The following ZNF695 variants were observed in gnomAD, a reference collection of about 807,000 sequenced individuals.
ZNF695 encodes zinc finger protein 695.
A neutral mutation model predicts 11.2 loss-of-function variants in ZNF695; 11 were observed. The observed-to-expected ratio is 0.98, with a 90% CI of 0.62 to 1.62. The LOEUF is 1.62. ZNF695 is among the 40% of genes most tolerant of loss of function. The probability of loss-of-function intolerance (pLI) is 0.00; values close to 1 mark genes in which losing one functional copy is unlikely to be tolerated. For missense variants in ZNF695, 559 were observed against 590.5 expected (o/e 0.95, Z 0.55); for synonymous variants, 190 against 201.4 (o/e 0.94, Z 0.48).
Position 246,986,036 on chromosome 1 carries a change from C to T in ZNF695, c.*931G>A. The T allele has an allele frequency of 1.0e-6, 1 of 983,868 alleles. No individual in the cohort carries two copies. Among genetic ancestry groups the T allele is most frequent in the African/African-American group, 1.7e-5 (1 of 57,330 alleles). The allele number at this position is 983,868 out of a possible 1,614,324, so 60.9% of individuals were successfully genotyped here. ...TATGTGATTTTCAAAAAAGCTAAAA[C>T]TCTTTCAGTGCACCGAGTATACTTT... On this transcript the variant is annotated 3_prime_UTR_variant, in exon 4 of 4. Transcript: ENST00000339986.
intron 1 of ZNF695, among the ~76,000 whole-genome samples, chr1:247,004,138 A>C (rs1035758990): frequency 6.6e-6 from 1 of 152,080 alleles, no homozygotes; most frequent in Non-Finnish European, 1.5e-5. Flanking sequence ...TTGAACCCAG[A>C]GGGCGGAGGT....
chr1:246,983,181 G>A (rs965892971), downstream of ZNF695, among the ~76,000 whole-genome samples: 1 of 149,532 alleles, frequency 6.7e-6, no homozygotes, highest in Non-Finnish European at 1.5e-5. Context: ...TCCAGCCTGG[G>A]TGACAGAGCG....
intron 1 of ZNF695, among the ~76,000 whole-genome samples, chr1:247,006,202 G>A (rs370369321): frequency 2.1e-4 from 31 of 148,512 alleles, no homozygotes; most frequent in Non-Finnish European, 4.1e-4. Flanking sequence ...TCCAGCCTGG[G>A]CGACAGAGCG....
At chr1:246,978,234 T>G (rs1425015229) in intron 4 of ZNF695, among the ~76,000 whole-genome samples, 1 of 152,218 alleles carries the variant, frequency 6.6e-6, no homozygotes, top group African/African-American at 2.4e-5. Context: ...TCAGAATACA[T>G]TCATCCCAGA....
intron 3 of ZNF695, among the ~76,000 whole-genome samples, chr1:246,992,163 CA>C (rs57295361): frequency 0.19 from 26,361 of 137,966 alleles, 2,620 homozygotes; most frequent in African/African-American, 0.27. Flanking sequence ...GACTCTGTCT[CA>C]AAAAAAAAAA....
At chr1:246,950,198 A>C (rs557436925) in intron 5 of ZNF695, among the ~76,000 whole-genome samples, 1 of 152,292 alleles carries the variant, frequency 6.6e-6, no homozygotes, top group East Asian at 1.9e-4. Flanking sequence ...TAGTTTCATA[A>C]TTCGTGACCT....
chr1:246,971,785 C>A (rs1668433701), intron 4 of ZNF695, among the ~76,000 whole-genome samples: 1 of 152,162 alleles, frequency 6.6e-6, no homozygotes, highest in Admixed American at 6.5e-5. Context: ...TTATTCTATA[C>A]ATTTTCTTTA....
At chr1:247,006,447 C>T (rs1312264138) in intron 1 of ZNF695, among the ~76,000 whole-genome samples, 1 of 151,930 alleles carries the variant, frequency 6.6e-6, no homozygotes, top group Non-Finnish European at 1.5e-5. Context: ...CCCATCTCTA[C>T]TAAAAATACA....
chr1:246,988,955 G>T (rs374463363), intron 3 of ZNF695, among the ~76,000 whole-genome samples: 48 of 152,270 alleles, frequency 3.2e-4, no homozygotes, highest in Admixed American at 3.3e-4. Context: ...TTAGCCGGGC[G>T]TGGTGGCAGG....
intron 3 of ZNF695, among the ~76,000 whole-genome samples, chr1:246,994,693 T>C (rs1166529614): frequency 6.6e-6 from 1 of 151,438 alleles, no homozygotes. Context: ...AAAAATTAGC[T>C]GGGCATGGTG....
chr1:246,988,427 T>A (rs1668921146), intron 3 of ZNF695, among the ~76,000 whole-genome samples, 172 bp from the exon 4 acceptor site: 1 of 152,098 alleles, frequency 6.6e-6, no homozygotes, highest in African/African-American at 2.4e-5. Context: ...AATGCCATTA[T>A]GAGAATCCTA....
intron 5 of ZNF695, among the ~76,000 whole-genome samples, chr1:246,958,157 C>T (rs1227926431): frequency 6.6e-6 from 1 of 151,688 alleles, no homozygotes; most frequent in Non-Finnish European, 1.5e-5. Flanking sequence ...CTCCCGGGTT[C>T]ACGCCATTCT....
At chr1:246,990,209 G>A (rs1668989710) in intron 3 of ZNF695, among the ~76,000 whole-genome samples, 1 of 150,290 alleles carries the variant, frequency 6.7e-6, no homozygotes, top group South Asian at 2.1e-4. Context: ...AAGAGAGAGA[G>A]AAAGAAAGAC....
At chr1:246,954,939 G>A (rs1667950940) in intron 5 of ZNF695, among the ~76,000 whole-genome samples, 1 of 152,100 alleles carries the variant, frequency 6.6e-6, no homozygotes, top group Admixed American at 6.6e-5. Context: ...CCTTGATATG[G>A]TTTGGCTGTG....
intron 5 of ZNF695, among the ~76,000 whole-genome samples, chr1:246,961,923 T>A (rs144915656): frequency 6.6e-6 from 1 of 152,286 alleles, no homozygotes; most frequent in African/African-American, 2.4e-5. Flanking sequence ...CGCAGAGGCA[T>A]AGAGAGGCAC....
intron 5 of ZNF695, among the ~76,000 whole-genome samples, chr1:246,955,985 A>ATTTTT (rs74163714): frequency 7.6e-6 from 1 of 132,052 alleles, no homozygotes; most frequent in Non-Finnish European, 1.6e-5. Flanking sequence ...TTTGGATTGG[A>ATTTTT]TTTTTTTTTT....
chr1:246,964,949 G>A (rs1668248808), intron 5 of ZNF695, among the ~76,000 whole-genome samples: 1 of 152,192 alleles, frequency 6.6e-6, no homozygotes. Flanking sequence ...CAAGATGGGG[G>A]AACTTTATGG....
At chr1:246,965,841 A>G (rs562130979) in intron 5 of ZNF695, among the ~76,000 whole-genome samples, 2 of 152,270 alleles carry the variant, frequency 1.3e-5, no homozygotes, top group Admixed American at 6.5e-5. Flanking sequence ...TGGACTTCTC[A>G]GCCTCCATAA....
intron 5 of ZNF695, among the ~76,000 whole-genome samples, chr1:246,951,234 T>G (rs1170629608): frequency 6.6e-6 from 1 of 152,152 alleles, no homozygotes; most frequent in East Asian, 1.9e-4. Context: ...AAAGGTATGC[T>G]GAAGTCCTAC....
Sources: allele counts gnomAD v4.1 joint callset (sites outside exome capture counted in the v4.1 genomes callset), GRCh38; gene constraint gnomAD v4.1.1; transcripts MANE v1.5; gene names NCBI Gene and HGNC (gene_info 2026-07-23, HGNC 2026-07-21).